Variants in CNTNAP4 observed in about 807,000 individuals in gnomAD.
The protein encoded by CNTNAP4 is contactin associated protein family member 4.
Under a neutral mutation model 148.4 loss-of-function variants are expected in CNTNAP4, and 98 were observed. That is an observed-to-expected ratio of 0.66 (90% CI 0.56 to 0.78). CNTNAP4 has a LOEUF of 0.78. Ranked by LOEUF, CNTNAP4 falls within the 30% of genes least tolerant of loss-of-function variation. CNTNAP4 has a pLI of 0.00. For missense variants in CNTNAP4, 1,935 were observed against 1,565.6 expected (o/e 1.24, Z -3.98); for synonymous variants, 730 against 565.1 (o/e 1.29, Z -4.14).
chr16:76,443,797 T>C (rs1302160720), intron 4 of CNTNAP4, among the ~76,000 whole-genome samples: 3 of 152,178 alleles, frequency 2.0e-5, no homozygotes, highest in African/African-American at 4.8e-5. Context: ...CACCCTGAAA[T>C]TTTTTATTTT....
chr16:76,331,626 G>A (rs967534522), intron 2 of CNTNAP4, among the ~76,000 whole-genome samples: 3 of 150,762 alleles, frequency 2.0e-5, no homozygotes, highest in Non-Finnish European at 2.9e-5. Context: ...CTTTTGTATC[G>A]CTTTGTCTCT....
intron 3 of CNTNAP4, among the ~76,000 whole-genome samples, chr16:76,420,637 G>A (rs1018772650): frequency 2.0e-5 from 3 of 151,640 alleles, no homozygotes; most frequent in Non-Finnish European, 4.4e-5. Flanking sequence ...CTAAAATTTT[G>A]TCCCTAACCC....
intron 5 of CNTNAP4, among the ~76,000 whole-genome samples, 157 bp downstream of exon 5, chr16:76,448,372 GT>G (rs1262180442): frequency 6.9e-6 from 1 of 145,766 alleles, no homozygotes; most frequent in Admixed American, 7.1e-5. Context: ...TGTAAAAATG[GT>G]TCATATTTTG....
chr16:76,336,304 C>T (rs1317757525), intron 2 of CNTNAP4, among the ~76,000 whole-genome samples: 2 of 152,284 alleles, frequency 1.3e-5, no homozygotes, highest in Non-Finnish European at 1.5e-5. Context: ...GAGATATGTA[C>T]AGTAATCTGC....
Position 76,535,548 on chromosome 16 carries a change from G to A in CNTNAP4, c.2759G>A (p.Gly920Glu), listed in dbSNP as rs761884432. ...ATTTGCAGTATTTCCCTTTTAGGTGGAACGGCCACCAGACAGAGAGGCTTT... is the reference window on the plus strand; with the variant it reads ...ATTTGCAGTATTTCCCTTTTAGGTGAAACGGCCACCAGACAGAGAGGCTTT... ...LQLNSQLFVG[G>E]TATRQRGFLG... Residue 920 changes from glycine to glutamate, a missense_variant, in exon 18 of 24, where the codon GGA becomes GAA. By Grantham distance (98) the Gly-to-Glu change is moderately conservative. Coordinates refer to ENST00000611870, the MANE Select transcript of CNTNAP4 (RefSeq NM_033401.5). 6.2e-7 allele frequency: 1 copy of A among 1,611,922 alleles called. No homozygotes were observed.
chr16:76,474,049 T>C (rs1280007436), intron 10 of CNTNAP4, among the ~76,000 whole-genome samples: 1 of 152,160 alleles, frequency 6.6e-6, no homozygotes, highest in Non-Finnish European at 1.5e-5. Context: ...AGCCAAAAGA[T>C]AGACCTAACA....
chr16:76,416,837 T>A (rs111462373), intron 3 of CNTNAP4, among the ~76,000 whole-genome samples: 1 of 151,544 alleles, frequency 6.6e-6, no homozygotes, highest in African/African-American at 2.4e-5. Context: ...AATGGACTTC[T>A]CTGTTTTTAA....
chr16:76,361,659 C>G (rs968026553), intron 3 of CNTNAP4, among the ~76,000 whole-genome samples: 2 of 152,112 alleles, frequency 1.3e-5, no homozygotes, highest in African/African-American at 4.8e-5. Flanking sequence ...GATTTCAGTT[C>G]TTTTGGATAA....
chr16:76,377,374 G>A (rs185504718), intron 3 of CNTNAP4, among the ~76,000 whole-genome samples: 9 of 152,244 alleles, frequency 5.9e-5, no homozygotes, highest in Admixed American at 4.6e-4. Context: ...GTCTAAGGAA[G>A]CATGGAGTTA....
At chr16:76,366,640 G>A (rs551564135) in intron 3 of CNTNAP4, among the ~76,000 whole-genome samples, 21 of 152,168 alleles carry the variant, frequency 1.4e-4, no homozygotes, top group Middle Eastern at 3.4e-3. Context: ...ACTATTCTGG[G>A]TATGTACTCA....
In CNTNAP4 at chr16:76,559,207, TCAATA is replaced by T. The variant is rs1353495820; in HGVS notation, c.*532_*536del. 6.6e-6 allele frequency: 1 copy of T among 152,244 alleles called. No homozygotes were observed. Among genetic ancestry groups the T allele is most frequent in the Non-Finnish European group, 1.5e-5 (1 of 68,070 alleles). 9.4% of individuals were successfully genotyped at this position (152,244 alleles called of 1,614,324 possible). On this transcript the variant is annotated 3_prime_UTR_variant, in exon 24 of 24. Coordinates refer to ENST00000611870, the MANE Select transcript of CNTNAP4 (RefSeq NM_033401.5). ...CCCTTTGCCTTTCTCTGTATTATATTCAATACAATACATCAATAGTCTTGAAAAAT... is the reference window on the plus strand; with the variant it reads ...CCCTTTGCCTTTCTCTGTATTATATTCAATACATCAATAGTCTTGAAAAAT...
chr16:76,542,509 G>T (rs1402798891), intron 21 of CNTNAP4, among the ~76,000 whole-genome samples: 1 of 152,168 alleles, frequency 6.6e-6, no homozygotes, highest in African/African-American at 2.4e-5. Context: ...CTTCCCTACA[G>T]ATGGCTCTCA....
chr16:76,360,026 T>C (rs971664619), intron 3 of CNTNAP4, among the ~76,000 whole-genome samples: 5 of 152,232 alleles, frequency 3.3e-5, no homozygotes, highest in African/African-American at 1.2e-4. Flanking sequence ...GTACCAATCT[T>C]ATAAACTGAG....
rs540785148 is a variant in CNTNAP4 at position 76,448,796 on chromosome 16, C to T, written c.772C>T (p.Leu258=). 2 of 1,610,692 alleles carry T rather than the reference C, an allele frequency of 1.2e-6. No individual in the cohort carries two copies. The highest frequency in any genetic ancestry group is 2.2e-5 in the South Asian group (2 of 90,258). The stretch of plus-strand genomic sequence containing the variant: ...AGCTAAACTGCCTTCCACTTCCACC[C>T]TGGTCAATCTCACCCTGGGCAGCCT... The part of the protein sequence containing the change: ...GEAKLPSTST[L]VNLTLGSLLD... Residue 258 remains leucine, a synonymous_variant, in exon 6 of 24, where the codon CTG becomes TTG. Transcript: ENST00000611870.
chr16:76,309,921 GTC>G, intron 1 of CNTNAP4: 1 of 701,714 alleles, frequency 1.4e-6, no homozygotes, highest in South Asian at 1.5e-5. Context: ...GTCCGGTTAA[GTC>G]TCTTTTTCTT....
intron 3 of CNTNAP4, among the ~76,000 whole-genome samples, chr16:76,396,643 G>C (rs1022947687): frequency 2.0e-5 from 3 of 151,976 alleles, no homozygotes; most frequent in Non-Finnish European, 2.9e-5. Context: ...ATATTCAATA[G>C]TAAAACATCA....
chr16:76,423,957 TA>T (rs917049255), intron 3 of CNTNAP4, among the ~76,000 whole-genome samples: 2 of 152,104 alleles, frequency 1.3e-5, no homozygotes, highest in African/African-American at 4.8e-5. Flanking sequence ...ACATGCCCAT[TA>T]AAAAATCTAG....
intron 2 of CNTNAP4, among the ~76,000 whole-genome samples, chr16:76,320,254 G>A (rs1485223480): frequency 1.3e-5 from 2 of 152,014 alleles, no homozygotes; most frequent in East Asian, 1.9e-4. Context: ...TGTAAACAAT[G>A]AACTTAGATA....
At chr16:76,544,019 G>C (rs118089248) in intron 21 of CNTNAP4, among the ~76,000 whole-genome samples, 7,435 of 152,244 alleles carry the variant, frequency 0.049, 216 homozygotes, top group Non-Finnish European at 0.075. Context: ...CCCTTACAGA[G>C]CTTATGGCAG....
Sources: allele counts gnomAD v4.1 joint callset (sites outside exome capture counted in the v4.1 genomes callset), GRCh38; gene constraint gnomAD v4.1.1; transcripts MANE v1.5; gene names NCBI Gene and HGNC (gene_info 2026-07-23, HGNC 2026-07-21).